THSD7A: variants seen among roughly 807,000 people sequenced by gnomAD.
THSD7A encodes thrombospondin type 1 domain containing 7A.
THSD7A carries 96 observed loss-of-function variants against 231.3 expected under a neutral mutation model. The observed-to-expected ratio is 0.41, with a 90% confidence interval of 0.35 to 0.49. The LOEUF (loss-of-function observed/expected upper bound fraction) is 0.49, where lower values mean the gene tolerates loss of function less well. Among genes scored for constraint, THSD7A ranks in the 20% least tolerant of loss-of-function variants. THSD7A has a pLI of 0.05. For synonymous variants in THSD7A, 940 were observed against 743.3 expected (o/e 1.26, Z -4.30); for missense variants, 2,290 against 2,070.2 (o/e 1.11, Z -2.06).
At position 11,769,147 on chromosome 7, in the gene THSD7A, ATATATATTT is replaced by A. The variant is rs1562541364; in HGVS notation, c.190+62601_190+62609del. Among the ~76,000 whole-genome samples, 6 of 35,642 alleles carry A rather than the reference ATATATATTT, an allele frequency of 1.7e-4. No individual in the cohort carries two copies. The East Asian group carries it at 3.2e-3, about 19-fold the overall frequency. 23.4% of individuals were successfully genotyped at this position (35,642 alleles called of 152,430 possible). ...AATATATATATATATATATATATAT[ATATATATTT>A]TTTTTTTTTTTTGGTATTTTTGTAG... On this transcript the variant is annotated intron_variant, in intron 1 of 27. Coordinates refer to ENST00000423059, the MANE Select transcript of THSD7A (RefSeq NM_015204.3).
At chr7:11,608,195 C>A (rs1223293349) in intron 2 of THSD7A, among the ~76,000 whole-genome samples, 2 of 152,098 alleles carry the variant, frequency 1.3e-5, no homozygotes, top group African/African-American at 2.4e-5. Flanking sequence ...AAAAATGATG[C>A]TAAGTGGCAT....
chr7:11,546,471 G>A (rs1334344032), intron 4 of THSD7A, among the ~76,000 whole-genome samples: 1 of 152,136 alleles, frequency 6.6e-6, no homozygotes, highest in Non-Finnish European at 1.5e-5. Flanking sequence ...TGGGCCACCT[G>A]AAATCACCCG....
intron 6 of THSD7A, among the ~76,000 whole-genome samples, chr7:11,499,252 C>T (rs768796584): frequency 6.6e-6 from 1 of 152,226 alleles, no homozygotes; most frequent in African/African-American, 2.4e-5. Context: ...CAGCACAAAC[C>T]TTCCATCTTG....
Position 11,749,811 on chromosome 7 carries a change from C to G in THSD7A, c.190+81946G>C, listed in dbSNP as rs563249130. 2.6e-5 allele frequency among the ~76,000 whole-genome samples: 4 copies of G among 152,064 alleles called. No individual in the cohort carries two copies. The East Asian group carries it at 7.8e-4, about 30-fold the overall frequency. ...TGAATGCCTGTGGTTGATCTCCTAG[C>G]CATTCAACGGCGCTTCAAGGGCCTC... On this transcript the variant is annotated intron_variant, in intron 1 of 27. Coordinates refer to ENST00000423059, the MANE Select transcript of THSD7A (RefSeq NM_015204.3).
At chr7:11,721,854 C>T (rs1481149736) in intron 1 of THSD7A, among the ~76,000 whole-genome samples, 2 of 151,834 alleles carry the variant, frequency 1.3e-5, no homozygotes, top group Admixed American at 6.6e-5. Context: ...AAAATCCAGC[C>T]CCACTTATAT....
intron 1 of THSD7A, among the ~76,000 whole-genome samples, chr7:11,712,613 T>G (rs1339082868): frequency 2.0e-5 from 3 of 148,592 alleles, no homozygotes; most frequent in Non-Finnish European, 4.5e-5. Flanking sequence ...TTGACCATCT[T>G]AGGTATGCTT....
chr7:11,538,938 A>T (rs945861760), intron 6 of THSD7A, among the ~76,000 whole-genome samples: 8 of 152,224 alleles, frequency 5.3e-5, no homozygotes, highest in African/African-American at 1.9e-4. Flanking sequence ...TTTTGAGGTC[A>T]TTAACAAAGT....
At chr7:11,509,822 A>AAAAAAAAAAAAATAAAAT (rs1787722731) in intron 6 of THSD7A, among the ~76,000 whole-genome samples, 2 of 75,808 alleles carry the variant, frequency 2.6e-5, no homozygotes, top group African/African-American at 1.4e-4. Context: ...AGTCCGTCTC[A>AAAAAAAAAAAAATAAAAT]AAAAAAAAAA....
intron 1 of THSD7A, among the ~76,000 whole-genome samples, chr7:11,647,817 T>C (rs1474110913): frequency 3.3e-5 from 5 of 152,078 alleles, no homozygotes; most frequent in Non-Finnish European, 7.4e-5. Flanking sequence ...TCCTTAGCAA[T>C]TGTAGTAGTT....
intron 2 of THSD7A, among the ~76,000 whole-genome samples, chr7:11,609,834 T>C (rs1411315830): frequency 6.6e-6 from 1 of 152,010 alleles, no homozygotes; most frequent in Non-Finnish European, 1.5e-5. Context: ...CTAAAATCAT[T>C]TTTTTTAATC....
At chr7:11,780,330 A>G (rs1783583604) in intron 1 of THSD7A, among the ~76,000 whole-genome samples, 1 of 152,172 alleles carries the variant, frequency 6.6e-6, no homozygotes, top group Non-Finnish European at 1.5e-5. Context: ...AGGCTGACCT[A>G]TATAACCAAT....
At chr7:11,780,396 T>C (rs1332031538) in intron 1 of THSD7A, among the ~76,000 whole-genome samples, 2 of 152,200 alleles carry the variant, frequency 1.3e-5, no homozygotes, top group African/African-American at 4.8e-5. Context: ...TAAGCTCTAG[T>C]CTTGCTTTTG....
intron 4 of THSD7A, among the ~76,000 whole-genome samples, chr7:11,544,140 G>A (rs1377270240): frequency 6.6e-6 from 1 of 152,080 alleles, no homozygotes; most frequent in Non-Finnish European, 1.5e-5. Flanking sequence ...TCAAGAGCTA[G>A]AGACCATCCA....
intron 1 of THSD7A, among the ~76,000 whole-genome samples, chr7:11,744,622 G>T (rs956003704): frequency 8.1e-6 from 1 of 124,194 alleles, no homozygotes; most frequent in Non-Finnish European, 1.6e-5. Flanking sequence ...GCCCCAGTGT[G>T]TGATGTTCCC....
intron 1 of THSD7A, among the ~76,000 whole-genome samples, chr7:11,680,648 G>A (rs1213033010): frequency 6.6e-6 from 1 of 152,150 alleles, no homozygotes; most frequent in Non-Finnish European, 1.5e-5. Flanking sequence ...AAATCACAAT[G>A]AGATACCATC....
At chr7:11,736,556 C>G (rs1416355733) in intron 1 of THSD7A, among the ~76,000 whole-genome samples, 1 of 151,746 alleles carries the variant, frequency 6.6e-6, no homozygotes, top group Non-Finnish European at 1.5e-5. Flanking sequence ...ATTTATAGGA[C>G]TATTTAAAGC....
chr7:11,593,570 A>T, intron 2 of THSD7A, 68 bp from the exon 3 acceptor site: 2 of 1,547,374 alleles, frequency 1.3e-6, no homozygotes, highest in Non-Finnish European at 1.7e-6. Context: ...TTCTACGCTC[A>T]AGAGTGAATC....
At chr7:11,765,789 C>A (rs1300402486) in intron 1 of THSD7A, among the ~76,000 whole-genome samples, 1 of 152,016 alleles carries the variant, frequency 6.6e-6, no homozygotes, top group East Asian at 1.9e-4. Context: ...CTGTCCATTG[C>A]AGCCTGTACA....
intron 4 of THSD7A, among the ~76,000 whole-genome samples, chr7:11,580,246 T>G (rs1322169410): frequency 6.6e-6 from 1 of 152,148 alleles, no homozygotes; most frequent in East Asian, 1.9e-4. Flanking sequence ...TGCATTTTCT[T>G]AAAGCATGCA....
Sources: gnomAD v4.1 joint callset for allele counts (sites outside exome capture counted in the v4.1 genomes callset) on GRCh38, gnomAD v4.1.1 for gene constraint, MANE v1.5 for transcripts, NCBI Gene and HGNC (gene_info 2026-07-23, HGNC 2026-07-21) for gene names.